Variants in DENND1A observed in about 807,000 individuals in gnomAD.
DENND1A encodes the protein DENN domain containing 1A, also known as DENN domain-containing protein 1A.
A neutral mutation model predicts 113.7 loss-of-function variants in DENND1A; 51 were observed. The ratio of observed to expected loss-of-function variants is 0.45; its 90% CI spans 0.36 to 0.57. The LOEUF (loss-of-function observed/expected upper bound fraction) is 0.57. Among genes scored for constraint, DENND1A ranks in the 20% least tolerant of loss-of-function variants. DENND1A has a pLI of 0.00. For missense variants in DENND1A, 1,258 were observed against 1,395.9 expected (o/e 0.90, Z 1.57); for synonymous variants, 565 against 570.8 (o/e 0.99, Z 0.14).
chr9:123,795,911 G>A (rs944598958), intron 2 of DENND1A, among the ~76,000 whole-genome samples: 3 of 152,184 alleles, frequency 2.0e-5, no homozygotes, highest in Admixed American at 1.3e-4. Context: ...ATCAGCGTAT[G>A]TCAAGCTTTT....
At chr9:123,616,994 T>C (rs1475370963) in intron 10 of DENND1A, among the ~76,000 whole-genome samples, 1 of 152,206 alleles carries the variant, frequency 6.6e-6, no homozygotes, top group East Asian at 1.9e-4. Flanking sequence ...TGAGATGACC[T>C]CATTTCATCT....
At chr9:123,739,181 G>A (rs2068799786) in intron 5 of DENND1A, among the ~76,000 whole-genome samples, 1 of 152,098 alleles carries the variant, frequency 6.6e-6, no homozygotes, top group African/African-American at 2.4e-5. Context: ...GGAAGAGGAG[G>A]ATTTGTGGAG....
At chr9:123,698,190 A>G (rs538665286) in intron 5 of DENND1A, among the ~76,000 whole-genome samples, 1 of 152,336 alleles carries the variant, frequency 6.6e-6, no homozygotes, top group South Asian at 2.1e-4. Context: ...AAGGTGAGGA[A>G]AAGTCCAAAG....
At chr9:123,447,871 A>G (rs1264899009) in intron 18 of DENND1A, among the ~76,000 whole-genome samples, 1 of 152,202 alleles carries the variant, frequency 6.6e-6, no homozygotes, top group Non-Finnish European at 1.5e-5. Flanking sequence ...AGCTCAAGAA[A>G]GGGCGCTGGA....
chr9:123,838,828 T>C (rs1841422914), intron 2 of DENND1A, among the ~76,000 whole-genome samples: 1 of 152,204 alleles, frequency 6.6e-6, no homozygotes, highest in African/African-American at 2.4e-5. Context: ...TCAGTGGCAG[T>C]GCCCAAACCC....
At chr9:123,514,783 C>T (rs1465614253) in intron 13 of DENND1A, among the ~76,000 whole-genome samples, 1 of 152,112 alleles carries the variant, frequency 6.6e-6, no homozygotes, top group African/African-American at 2.4e-5. Context: ...GTTACACATT[C>T]CTTGGCTGTA....
In DENND1A at chr9:123,725,188, ACT is replaced by A. The variant is rs567605466; in HGVS notation, c.302+32513_302+32514del. Among the ~76,000 whole-genome samples the A allele has an allele frequency of 4.6e-4, 70 of 152,344 alleles. 1 individual carries two copies. The South Asian group carries it at 0.014, about 31-fold the overall frequency. ...AAAATTTAGAAGTTGGATATGAAACACTCTTGTGACCCTCATTATATTTTTCT... is the reference window on the plus strand; with the variant it reads ...AAAATTTAGAAGTTGGATATGAAACACTTGTGACCCTCATTATATTTTTCT... On this transcript the variant is annotated intron_variant, in intron 5 of 23. Coordinates refer to ENST00000394215, the MANE Select transcript of DENND1A (RefSeq NM_001352964.2).
intron 13 of DENND1A, among the ~76,000 whole-genome samples, chr9:123,520,487 T>C (rs1028146536): frequency 2.0e-5 from 3 of 152,144 alleles, no homozygotes; most frequent in African/African-American, 7.2e-5. Context: ...CCTTTGGAAA[T>C]TGTGGTGAGG....
chr9:123,733,193 C>T (rs1469859298), intron 5 of DENND1A, among the ~76,000 whole-genome samples: 1 of 152,024 alleles, frequency 6.6e-6, no homozygotes, highest in Non-Finnish European at 1.5e-5. Context: ...GTAGGTCAGG[C>T]GGGTCTCAAA....
chr9:123,798,707 G>C (rs1834135823), intron 2 of DENND1A, among the ~76,000 whole-genome samples: 1 of 140,772 alleles, frequency 7.1e-6, no homozygotes. Context: ...CAAAAGGAAG[G>C]GTAGGGTGTG....
At chr9:123,659,731 A>G (rs1156610302) in intron 8 of DENND1A, among the ~76,000 whole-genome samples, 1 of 152,246 alleles carries the variant, frequency 6.6e-6, no homozygotes, top group Non-Finnish European at 1.5e-5. Flanking sequence ...CAAAGCCCAG[A>G]GTCTGGTTGT....
intron 10 of DENND1A, among the ~76,000 whole-genome samples, chr9:123,619,824 C>T (rs769521266): frequency 3.0e-4 from 46 of 152,102 alleles, no homozygotes; most frequent in Non-Finnish European, 7.4e-5. Flanking sequence ...ATAGAGTCTT[C>T]AGTATAGAGA....
intron 4 of DENND1A, among the ~76,000 whole-genome samples, chr9:123,761,384 C>T (rs1012110698): frequency 6.6e-5 from 10 of 152,274 alleles, no homozygotes; most frequent in Admixed American, 5.9e-4. Flanking sequence ...AAAAGAGGGA[C>T]GCAAGCTGTT....
chr9:123,751,772 C>G (rs1488159810), intron 5 of DENND1A: 2 of 152,110 alleles, frequency 1.3e-5, no homozygotes. Flanking sequence ...TTCTCACTGC[C>G]TAGAGAGCTG....
chr9:123,825,410 G>A (rs1351007832), intron 2 of DENND1A, among the ~76,000 whole-genome samples: 3 of 151,842 alleles, frequency 2.0e-5, no homozygotes, highest in African/African-American at 7.3e-5. Context: ...ATTCTGTAAT[G>A]GATGCTGATC....
intron 13 of DENND1A, among the ~76,000 whole-genome samples, chr9:123,464,448 T>C (rs1221052436): frequency 2.6e-5 from 4 of 152,208 alleles, no homozygotes; most frequent in African/African-American, 9.6e-5. Flanking sequence ...TAAAGGAATC[T>C]TGAAGACATT....
intron 10 of DENND1A, among the ~76,000 whole-genome samples, chr9:123,620,213 CAAAAAAAAAAAAAAAAAAA>C (rs34196587): frequency 1.7e-5 from 1 of 59,052 alleles, no homozygotes; most frequent in Non-Finnish European, 2.8e-5. Context: ...GACTCCATCT[CAAAAAAAAAAAAAAAAAAA>C]AAAAAAGAAA....
intron 13 of DENND1A, among the ~76,000 whole-genome samples, chr9:123,474,359 A>G (rs2049721962): frequency 6.6e-6 from 1 of 152,214 alleles, no homozygotes; most frequent in South Asian, 2.1e-4. Flanking sequence ...CCTGACAATT[A>G]TAAAACTCTC....
At chr9:123,681,773 A>G (rs1412048548) in intron 5 of DENND1A, among the ~76,000 whole-genome samples, 1 of 152,224 alleles carries the variant, frequency 6.6e-6, no homozygotes, top group East Asian at 1.9e-4. Flanking sequence ...AAGGCCTGGA[A>G]GCAGAGATAT....
Sources: allele counts gnomAD v4.1 joint callset (sites outside exome capture counted in the v4.1 genomes callset), GRCh38; gene constraint gnomAD v4.1.1; transcripts MANE v1.5; gene names NCBI Gene and HGNC (gene_info 2026-07-23, HGNC 2026-07-21).